Variants in MAP6D1 observed in about 807,000 individuals in gnomAD.
MAP6D1 encodes MAP6 domain containing 1, also known as MAP6 domain-containing protein 1.
Under a neutral mutation model 17.4 loss-of-function variants are expected in MAP6D1, and 13 were observed. That is an observed-to-expected ratio of 0.75 (90% CI 0.49 to 1.19). The LOEUF is 1.19. Among genes scored for constraint, MAP6D1 ranks in the 50% most tolerant of loss-of-function variants. MAP6D1 has a pLI of 0.00. For missense variants in MAP6D1, 313 were observed against 312.6 expected (o/e 1.00, Z -0.01); for synonymous variants, 141 against 145.7 (o/e 0.97, Z 0.23).
intron 1 of MAP6D1, among the ~76,000 whole-genome samples, chr3:183,818,841 G>T (rs1242595404): frequency 6.6e-6 from 1 of 152,206 alleles, no homozygotes; most frequent in East Asian, 1.9e-4. Flanking sequence ...GGCGGGGAGG[G>T]TGGTGTGATG....
Position 183,820,954 on chromosome 3 carries a change from G to A in MAP6D1, c.402-2843C>T, listed in dbSNP as rs554601562. Among the ~76,000 whole-genome samples, 10 of 151,510 alleles carry A rather than the reference G, an allele frequency of 6.6e-5. No homozygotes were observed. In the East Asian group the frequency reaches 1.6e-3, roughly 24 times the overall value. On this transcript the variant is annotated intron_variant, in intron 1 of 2. Coordinates refer to ENST00000318631, the MANE Select transcript of MAP6D1 (RefSeq NM_024871.4). ...AAATAAAAATACAAAAATTAGCTGG[G>A]TGTGGTGGTGGGCGCCTGTAGTCCC...
In MAP6D1 at chr3:183,825,325, A is replaced by G; in HGVS notation, c.223T>C (p.Leu75=). 1 of 1,375,988 alleles carries G rather than the reference A, an allele frequency of 7.3e-7. No individual in the cohort carries two copies. The allele number at this position is 1,375,988 out of a possible 1,614,324, so 85.2% of individuals were successfully genotyped here. The part of the protein sequence containing the change: ...PLTQYQRDFG[L]WTTPAGPKDP... ...TTGGGCCCGGCGGGCGTGGTCCACA[A>G]GCCGAAGTCCCGCTGGTACTGAGTG... Residue 75 remains leucine, a synonymous_variant, in exon 1 of 3, where the codon TTG becomes CTG. Coordinates refer to ENST00000318631, the MANE Select transcript of MAP6D1 (RefSeq NM_024871.4).
rs150706499 is a variant in MAP6D1 at position 183,817,988 on chromosome 3, G to A, written c.519+6C>T. 1,331 of 1,611,168 alleles carry A rather than the reference G, an allele frequency of 8.3e-4. 11 individuals are homozygous for A. In the African/African-American group the frequency reaches 0.016, roughly 19 times the overall value. On this transcript the variant is annotated splice_donor_region_variant and intron_variant, in intron 2 of 2. Coordinates refer to ENST00000318631, the MANE Select transcript of MAP6D1 (RefSeq NM_024871.4). ...CACACCCCTGCTACACCAGCTTCCG[G>A]CTGACCTGGAAGCCGGCCCCAGGGC...
intron 1 of MAP6D1, 139 bp downstream of exon 1, chr3:183,825,008 C>T: frequency 1.1e-6 from 1 of 949,752 alleles, no homozygotes; most frequent in East Asian, 3.3e-5. Context: ...CCTCTGAGGC[C>T]GCCGGCAGCT....
At chr3:183,820,781 C>CCTA (rs1727232909) in intron 1 of MAP6D1, among the ~76,000 whole-genome samples, 1 of 151,784 alleles carries the variant, frequency 6.6e-6, no homozygotes. Context: ...GTGGCGGGCG[C>CCTA]CTGTAGTCCC....
intron 1 of MAP6D1, among the ~76,000 whole-genome samples, chr3:183,819,514 C>T (rs1439670901): frequency 1.3e-5 from 2 of 152,150 alleles, no homozygotes; most frequent in African/African-American, 2.4e-5. Context: ...CTGGCGGCCG[C>T]CAGAGGAGGA....
rs777107771 is a variant in MAP6D1 at position 183,818,223 on chromosome 3, C to G, written c.402-112G>C. On this transcript the variant is annotated intron_variant, in intron 1 of 2. Coordinates refer to ENST00000318631, the MANE Select transcript of MAP6D1 (RefSeq NM_024871.4). ...CGGCCCTGCCAATTGCTGAAACCCT[C>G]GGCTCCAGGCAGTCCTCATCATCTT... is the stretch of plus-strand genomic sequence containing the variant. 2.3e-5 allele frequency: 19 copies of G among 842,518 alleles called. No homozygotes were observed. The Admixed American group carries it at 3.7e-4, about 16-fold the overall frequency. The allele number at this position is 842,518 out of a possible 1,614,324, so 52.2% of individuals were successfully genotyped here. A position where few individuals can be genotyped will look rare whatever the true frequency, so the allele number is the denominator to read the frequency against.
Position 183,817,215 on chromosome 3 carries a change from G to T in MAP6D1, c.*141C>A. ...TGCATCTGCTCCACACCAGCACTTT[G>T]GCCCTGGTGACAGCTTTGAGAGGGG... On this transcript the variant is annotated 3_prime_UTR_variant, in exon 3 of 3. Coordinates refer to ENST00000318631, the MANE Select transcript of MAP6D1 (RefSeq NM_024871.4). The T allele has an allele frequency of 1.3e-6, 1 of 779,656 alleles. No homozygotes were observed. The highest frequency in any genetic ancestry group is 2.1e-6 in the Non-Finnish European group (1 of 470,790). 48.3% of individuals were successfully genotyped at this position (779,656 alleles called of 1,614,324 possible).
chr3:183,818,813 C>T lies in MAP6D1; in HGVS notation c.402-702G>A, dbSNP rs182676374. On this transcript the variant is annotated intron_variant, in intron 1 of 2. Transcript: ENST00000318631. ...TGCATGGTGGAGGGAGTGGATCATG[C>T]GCTGTTGCTGAGCCTGTGGCGGGGA... Among the ~76,000 whole-genome samples the T allele has an allele frequency of 2.0e-4, 30 of 152,254 alleles. No homozygotes were observed. In the East Asian group the frequency reaches 3.3e-3, roughly 17 times the overall value.
rs1320427157 is a variant in MAP6D1 at position 183,817,172 on chromosome 3, G to A, written c.*184C>T. The A allele has an allele frequency of 5.0e-6, 3 of 594,448 alleles. No individual in the cohort carries two copies. Among genetic ancestry groups the A allele is most frequent in the Non-Finnish European group, 6.0e-6 (2 of 333,862 alleles). 36.8% of individuals were successfully genotyped at this position (594,448 alleles called of 1,614,324 possible). A position where few individuals can be genotyped will look rare whatever the true frequency, so the allele number is the denominator to read the frequency against. ...AAGAGGATGCTTGAGGCTGAGCTGG[G>A]TGTGCCAAGTCCATCGGTGCATCTG... is the stretch of plus-strand genomic sequence containing the variant. On this transcript the variant is annotated 3_prime_UTR_variant, in exon 3 of 3. Transcript: ENST00000318631.
Position 183,817,252 on chromosome 3 carries a change from C to T in MAP6D1, c.*104G>A, listed in dbSNP as rs1231718416. On this transcript the variant is annotated 3_prime_UTR_variant, in exon 3 of 3. Transcript: ENST00000318631. ...AGCTTTGAGAGGGGCTGTGCCCTCC[C>T]GCAGGGGCCCATGCCATGCTCTCGC... 1.3e-5 allele frequency: 15 copies of T among 1,193,272 alleles called. No individual in the cohort carries two copies. Among genetic ancestry groups the T allele is most frequent in the Admixed American group, 1.2e-4 (6 of 49,750 alleles). 73.9% of individuals were successfully genotyped at this position (1,193,272 alleles called of 1,614,324 possible). A position where few individuals can be genotyped will look rare whatever the true frequency, so the allele number is the denominator to read the frequency against.
intron 1 of MAP6D1, among the ~76,000 whole-genome samples, chr3:183,822,824 T>C (rs777070074): frequency 3.9e-5 from 6 of 152,200 alleles, no homozygotes; most frequent in Non-Finnish European, 8.8e-5. Context: ...GTGCAGCGCA[T>C]TCCAGCGGCT....
intron 1 of MAP6D1, among the ~76,000 whole-genome samples, chr3:183,823,615 T>C (rs1241597324): frequency 6.9e-6 from 1 of 145,770 alleles, no homozygotes; most frequent in Non-Finnish European, 1.5e-5. Flanking sequence ...AAGAAAAAAA[T>C]CAAAAATAAA....
Position 183,822,896 on chromosome 3 carries a change from G to C in MAP6D1, c.401+2251C>G, listed in dbSNP as rs1460045064. On this transcript the variant is annotated intron_variant, in intron 1 of 2. Coordinates refer to ENST00000318631, the MANE Select transcript of MAP6D1 (RefSeq NM_024871.4). ...CTTGCAGGGAGACAGCTTCAGCTCC[G>C]GGAAGGAAGCGCTTTCTGTCAGTTA... 2.0e-5 allele frequency among the ~76,000 whole-genome samples: 3 copies of C among 152,356 alleles called. No homozygotes were observed. In the East Asian group the frequency reaches 5.8e-4, roughly 29 times the overall value.
intron 2 of MAP6D1, among the ~76,000 whole-genome samples, chr3:183,817,775 G>C (rs1193539451): frequency 6.6e-6 from 1 of 152,170 alleles, no homozygotes; most frequent in Non-Finnish European, 1.5e-5. Context: ...GGGGATTTAG[G>C]AGGCAGAGAG....
chr3:183,819,493 C>T (rs533086535), intron 1 of MAP6D1, among the ~76,000 whole-genome samples: 6 of 152,312 alleles, frequency 3.9e-5, no homozygotes, highest in East Asian at 1.9e-4. Flanking sequence ...GAGCCACAGA[C>T]GACAGCAATC....
intron 1 of MAP6D1, among the ~76,000 whole-genome samples, chr3:183,824,871 G>C (rs1727341295): frequency 6.6e-6 from 1 of 152,228 alleles, no homozygotes; most frequent in Non-Finnish European, 1.5e-5. Context: ...CCATTCTGAC[G>C]GCTGCCCCCA....
At chr3:183,824,754 C>G (rs1454930839) in intron 1 of MAP6D1, among the ~76,000 whole-genome samples, 1 of 152,234 alleles carries the variant, frequency 6.6e-6, no homozygotes, top group Non-Finnish European at 1.5e-5. Flanking sequence ...GCACACTAGG[C>G]AGTGACCGGA....
At chr3:183,823,456 C>CT (rs1374507782) in intron 1 of MAP6D1, among the ~76,000 whole-genome samples, 1 of 152,092 alleles carries the variant, frequency 6.6e-6, no homozygotes, top group Non-Finnish European at 1.5e-5. Context: ...AAAAAATTAG[C>CT]TGGGCGTGAT....
Sources: allele counts gnomAD v4.1 joint callset (sites outside exome capture counted in the v4.1 genomes callset), GRCh38; gene constraint gnomAD v4.1.1; transcripts MANE v1.5; gene names NCBI Gene and HGNC (gene_info 2026-07-23, HGNC 2026-07-21).